The following NBAS variants were observed in gnomAD, a reference collection of about 807,000 sequenced individuals.
The protein encoded by NBAS is NBAS subunit of NRZ tethering complex, also known as NAG/BC035112 fusion.
A neutral mutation model predicts 302.5 loss-of-function variants in NBAS; 219 were observed. That is an observed-to-expected ratio of 0.72 (90% CI 0.65 to 0.81). The LOEUF is 0.81. NBAS is among the 30% of genes least tolerant of loss of function. The pLI, the probability that NBAS is intolerant of heterozygous loss-of-function variation, is 0.00. For missense variants in NBAS, 2,932 were observed against 2,841.6 expected (o/e 1.03, Z -0.72); for synonymous variants, 1,118 against 1,021.6 (o/e 1.09, Z -1.80).
At chr2:14,780,179 T>C in the NBAS span, among the ~76,000 whole-genome samples, 1 of 152,218 alleles carries the variant, frequency 6.6e-6, no homozygotes, top group Admixed American at 6.5e-5. Flanking sequence ...GGGATAATAG[T>C]AGCTTCCTCC....
chr2:14,877,993 C>T, the NBAS span, among the ~76,000 whole-genome samples: 1 of 152,152 alleles, frequency 6.6e-6, no homozygotes, highest in African/African-American at 2.4e-5. Flanking sequence ...CTCTCAAAAG[C>T]CTGCGATACT....
intron 32 of NBAS, among the ~76,000 whole-genome samples, chr2:15,362,647 TATA>T (rs1673992767): frequency 6.6e-6 from 1 of 152,188 alleles, no homozygotes; most frequent in African/African-American, 2.4e-5. Flanking sequence ...TAAATGCACC[TATA>T]ACACAATATA....
intron 49 of NBAS, 83 bp downstream of exon 49, chr2:15,190,181 G>T: frequency 6.8e-7 from 1 of 1,470,718 alleles, no homozygotes; most frequent in Non-Finnish European, 9.5e-7. Flanking sequence ...TTCTTTCATT[G>T]GCTCTTTGGA....
the NBAS span, among the ~76,000 whole-genome samples, chr2:14,788,949 G>A: frequency 1.4e-4 from 21 of 152,344 alleles, no homozygotes; most frequent in Non-Finnish European, 7.3e-5. Flanking sequence ...AGCCTACAGA[G>A]GCAGGCAGGC....
intron 21 of NBAS, among the ~76,000 whole-genome samples, chr2:15,441,576 G>A (rs1195610143): frequency 6.6e-6 from 1 of 151,856 alleles, no homozygotes; most frequent in South Asian, 2.1e-4. Context: ...AGACCATCGA[G>A]ACTAGGAAGA....
the NBAS span, among the ~76,000 whole-genome samples, chr2:14,884,856 G>A: frequency 6.6e-6 from 1 of 152,218 alleles, no homozygotes; most frequent in Non-Finnish European, 1.5e-5. Context: ...GAGCTGAATG[G>A]TGACAGAATC....
At chr2:15,443,118 A>G (rs1041130297) in intron 21 of NBAS, among the ~76,000 whole-genome samples, 1 of 152,162 alleles carries the variant, frequency 6.6e-6, no homozygotes, top group African/African-American at 2.4e-5. Flanking sequence ...ATTCCAATTA[A>G]CAGAAAAAGA....
the NBAS span, among the ~76,000 whole-genome samples, chr2:14,978,896 A>G: frequency 6.6e-6 from 1 of 152,108 alleles, no homozygotes; most frequent in Non-Finnish European, 1.5e-5. Flanking sequence ...CTCCTCTTTA[A>G]TCTCACTTTT....
intron 21 of NBAS, among the ~76,000 whole-genome samples, chr2:15,439,980 G>C (rs991970437): frequency 1.3e-5 from 2 of 152,254 alleles, no homozygotes; most frequent in Non-Finnish European, 2.9e-5. Context: ...GCCCAGACTT[G>C]CTTAGGTAAA....
chr2:14,787,206 T>A, the NBAS span, among the ~76,000 whole-genome samples: 1 of 152,196 alleles, frequency 6.6e-6, no homozygotes, highest in Non-Finnish European at 1.5e-5. Flanking sequence ...ATTTTGAGCC[T>A]ACATGTGTCT....
intron 48 of NBAS, among the ~76,000 whole-genome samples, chr2:15,204,190 A>C (rs1314187117): frequency 6.6e-6 from 1 of 151,918 alleles, no homozygotes; most frequent in Non-Finnish European, 1.5e-5. Flanking sequence ...AGCCAGGAGG[A>C]TGGGGCTGCA....
At chr2:14,873,834 T>TTACATTTTTTTTTTACTAAA in the NBAS span, among the ~76,000 whole-genome samples, 152 of 138,810 alleles carry the variant, frequency 1.1e-3, no homozygotes, top group African/African-American at 4.9e-3. Flanking sequence ...TTAAAATATA[T>TTACATTTTTTTTTTACTAAA]TGCATTACAT....
At chr2:15,483,435 T>G (rs1048151277) in intron 12 of NBAS, 5 of 342,902 alleles carry the variant, frequency 1.5e-5, no homozygotes, top group African/African-American at 1.1e-4. Context: ...TTTCTAGGCC[T>G]GAAGAAGTAC....
the NBAS span, among the ~76,000 whole-genome samples, chr2:15,111,831 G>A: frequency 6.7e-6 from 1 of 149,670 alleles, no homozygotes; most frequent in African/African-American, 2.4e-5. Flanking sequence ...TTCTAGCCTT[G>A]AAATTAGAAA....
intron 35 of NBAS, 109 bp from the exon 36 acceptor site, chr2:15,330,874 G>A (rs1281777376): frequency 8.2e-6 from 10 of 1,215,282 alleles, no homozygotes; most frequent in Non-Finnish European, 1.1e-5. Context: ...CTTGAAGACA[G>A]ACACATTTAA....
At chr2:15,271,099 T>G (rs965117477) in intron 44 of NBAS, among the ~76,000 whole-genome samples, 1 of 152,152 alleles carries the variant, frequency 6.6e-6, no homozygotes, top group Admixed American at 6.5e-5. Flanking sequence ...TTATGCTTTT[T>G]AAGATTAATT....
chr2:15,129,831 C>T, the NBAS span, among the ~76,000 whole-genome samples: 15 of 152,312 alleles, frequency 9.8e-5, no homozygotes, highest in East Asian at 1.9e-3. Context: ...TATTGCTTCA[C>T]GCACGGAGAC....
intron 48 of NBAS, among the ~76,000 whole-genome samples, chr2:15,209,612 T>C (rs529602569): frequency 9.2e-5 from 14 of 152,118 alleles, no homozygotes; most frequent in East Asian, 5.8e-4. Context: ...TTTAAAGAAA[T>C]ACAAAAAACA....
At chr2:14,996,451 G>A in the NBAS span, among the ~76,000 whole-genome samples, 4 of 152,290 alleles carry the variant, frequency 2.6e-5, no homozygotes, top group South Asian at 4.1e-4. Flanking sequence ...GGCAGACGGC[G>A]TACAGCACCA....
Sources: allele counts gnomAD v4.1 joint callset (sites outside exome capture counted in the v4.1 genomes callset), GRCh38; gene constraint gnomAD v4.1.1; transcripts MANE v1.5; gene names NCBI Gene and HGNC (gene_info 2026-07-23, HGNC 2026-07-21).